Variants in KCNT2 observed in about 807,000 individuals in gnomAD.
KCNT2 encodes potassium sodium-activated channel subfamily T member 2, also known as potassium channel subfamily T member 2.
Under a neutral mutation model 153.8 loss-of-function variants are expected in KCNT2, and 67 were observed. The ratio of observed to expected loss-of-function variants is 0.44; its 90% CI spans 0.36 to 0.53. The LOEUF (loss-of-function observed/expected upper bound fraction) is 0.53, where lower values mean the gene tolerates loss of function less well. Among genes scored for constraint, KCNT2 ranks in the 20% least tolerant of loss-of-function variants. The probability of loss-of-function intolerance (pLI) is 0.00; values close to 1 mark genes in which losing one functional copy is unlikely to be tolerated. For synonymous variants in KCNT2, 500 were observed against 458.8 expected, an observed-to-expected ratio of 1.09 and a Z score of -1.15; for missense variants, 975 against 1,354.8, an observed-to-expected ratio of 0.72 and a Z score of 4.40.
chr1:196,295,589 G>T (rs2147937844), intron 22 of KCNT2, among the ~76,000 whole-genome samples: 1 of 151,898 alleles, frequency 6.6e-6, no homozygotes, highest in Non-Finnish European at 1.5e-5. Flanking sequence ...GAACAGAAAA[G>T]GTTAGAAAAT....
intron 14 of KCNT2, among the ~76,000 whole-genome samples, chr1:196,361,133 T>A (rs1667583755): frequency 6.6e-6 from 1 of 151,762 alleles, no homozygotes; most frequent in Non-Finnish European, 1.5e-5. Context: ...GGGCATGAAG[T>A]AGGTTAAAAG....
intron 12 of KCNT2, among the ~76,000 whole-genome samples, chr1:196,402,128 A>T (rs981830789): frequency 5.3e-5 from 8 of 151,588 alleles, no homozygotes; most frequent in Non-Finnish European, 8.9e-5. Context: ...TACTTTCCTT[A>T]TTCTAAAATA....
At chr1:196,258,073 G>T (rs1656671639) in intron 26 of KCNT2, 121 bp downstream of exon 26, 4 of 1,448,758 alleles carry the variant, frequency 2.8e-6, no homozygotes, top group Non-Finnish European at 3.6e-6. Context: ...TGTATCACTA[G>T]TTTCTACTAA....
intron 27 of KCNT2, among the ~76,000 whole-genome samples, chr1:196,234,631 T>G (rs886287209): frequency 1.3e-5 from 2 of 151,314 alleles, no homozygotes; most frequent in African/African-American, 4.8e-5. Flanking sequence ...ATCATACCCT[T>G]TTCACTCCAG....
At position 196,226,525 on chromosome 1, in the gene KCNT2, T is replaced by C. The variant is rs905134842; in HGVS notation, c.*1699A>G. ...ACTTCTCTGATCAAAGTAGATTAAA[T>C]ACAGGGTCTCTGTTTTAGGGGTAAT... On this transcript the variant is annotated 3_prime_UTR_variant, in exon 28 of 28. Transcript: ENST00000294725. 2 of 152,016 alleles carry C rather than the reference T, an allele frequency of 1.3e-5. No individual in the cohort carries two copies. The highest frequency in any genetic ancestry group is 4.8e-5 in the African/African-American group (2 of 41,446). 9.4% of individuals were successfully genotyped at this position (152,016 alleles called of 1,614,324 possible).
intron 1 of KCNT2, among the ~76,000 whole-genome samples, chr1:196,550,673 G>T (rs1657772368): frequency 6.6e-6 from 1 of 151,730 alleles, no homozygotes; most frequent in Admixed American, 6.6e-5. Flanking sequence ...AAATAAATCA[G>T]CCAGCAGACA....
rs1385370714 is a variant in KCNT2, at chr1:196,421,063, G to T, written c.1185+1987C>A. Among the ~76,000 whole-genome samples, 5 of 152,120 alleles carry T rather than the reference G, an allele frequency of 3.3e-5. No homozygotes were observed. In the East Asian group the frequency reaches 7.8e-4, roughly 24 times the overall value. ...GAGGTTCGGTTGCAAAACGCAGCTT[G>T]CTTCTAATTTGTTTCCTGTCTCAAC... is the stretch of plus-strand genomic sequence containing the variant. On this transcript the variant is annotated intron_variant, in intron 12 of 27. Transcript: ENST00000294725.
chr1:196,565,106 A>C (rs187363986), intron 1 of KCNT2, among the ~76,000 whole-genome samples: 1 of 151,788 alleles, frequency 6.6e-6, no homozygotes, highest in Non-Finnish European at 1.5e-5. Flanking sequence ...TAGAAAAAAA[A>C]ACAAATCAAT....
intron 1 of KCNT2, among the ~76,000 whole-genome samples, chr1:196,570,365 A>C (rs1660635826): frequency 6.6e-6 from 1 of 152,094 alleles, no homozygotes; most frequent in African/African-American, 2.4e-5. Context: ...AGTAAACCTG[A>C]CTTTAAAACA....
intron 5 of KCNT2, among the ~76,000 whole-genome samples, chr1:196,477,172 G>A (rs6688138): frequency 1.3e-5 from 2 of 149,334 alleles, no homozygotes; most frequent in African/African-American, 4.9e-5. Flanking sequence ...GCAATAATGA[G>A]AATTAAAAAA....
chr1:196,268,531 G>T (rs1657757165), intron 25 of KCNT2, among the ~76,000 whole-genome samples: 1 of 152,092 alleles, frequency 6.6e-6, no homozygotes, highest in African/African-American at 2.4e-5. Flanking sequence ...GCACATTTCA[G>T]TCACCCATCC....
intron 14 of KCNT2, among the ~76,000 whole-genome samples, chr1:196,346,032 A>T (rs1572115924): frequency 6.6e-6 from 1 of 152,082 alleles, no homozygotes; most frequent in African/African-American, 2.4e-5. Flanking sequence ...TGGCATGTTT[A>T]TTTTTTTAAA....
chr1:196,318,768 T>C (rs1662990744), intron 20 of KCNT2, among the ~76,000 whole-genome samples: 1 of 151,800 alleles, frequency 6.6e-6, no homozygotes, highest in Non-Finnish European at 1.5e-5. Context: ...GTTGTAAAAC[T>C]GTGTTTTCTT....
intron 19 of KCNT2, 69 bp from the exon 20 acceptor site, chr1:196,319,624 A>T (rs1316442464): frequency 1.0e-6 from 1 of 999,624 alleles, no homozygotes; most frequent in East Asian, 2.6e-5. Flanking sequence ...AGGGAAAGGA[A>T]GTAAGTTGAC....
intron 1 of KCNT2, among the ~76,000 whole-genome samples, chr1:196,544,901 G>C (rs752791741): frequency 6.6e-6 from 1 of 151,996 alleles, no homozygotes; most frequent in Non-Finnish European, 1.5e-5. Flanking sequence ...CTCAGGATGT[G>C]AGCAGTTGAG....
chr1:196,530,491 C>T (rs755250579), intron 1 of KCNT2, among the ~76,000 whole-genome samples: 1 of 151,426 alleles, frequency 6.6e-6, no homozygotes, highest in East Asian at 1.9e-4. Context: ...AGTGGAAAAC[C>T]GATATATAAA....
chr1:196,402,380 C>T (rs1489927584), intron 12 of KCNT2, among the ~76,000 whole-genome samples: 3 of 151,338 alleles, frequency 2.0e-5, no homozygotes, highest in African/African-American at 7.3e-5. Context: ...ATTATTATAT[C>T]TAACAACAAT....
intron 21 of KCNT2, among the ~76,000 whole-genome samples, chr1:196,308,934 T>C (rs1661892380): frequency 6.6e-6 from 1 of 152,014 alleles, no homozygotes; most frequent in Non-Finnish European, 1.5e-5. Context: ...TATCAAGTTT[T>C]TACTATTAGA....
chr1:196,334,923 T>C (rs1324582305), intron 16 of KCNT2, among the ~76,000 whole-genome samples: 2 of 152,062 alleles, frequency 1.3e-5, no homozygotes, highest in Non-Finnish European at 2.9e-5. Context: ...ACACAAGTCA[T>C]GGAAGTACCT....
Sources: gnomAD v4.1 joint callset for allele counts (sites outside exome capture counted in the v4.1 genomes callset) on GRCh38, gnomAD v4.1.1 for gene constraint, MANE v1.5 for transcripts, NCBI Gene and HGNC (gene_info 2026-07-23, HGNC 2026-07-21) for gene names.